Variants in BTG4 observed in about 807,000 individuals in gnomAD.
BTG4 encodes BTG anti-proliferation factor 4, also known as protein BTG4.
Under a neutral mutation model 19.3 loss-of-function variants are expected in BTG4, and 10 were observed. That is an observed-to-expected ratio of 0.52 (90% CI 0.32 to 0.88). The LOEUF is 0.88. BTG4 is among the 40% of genes least tolerant of loss of function. The pLI is 0.04. For missense variants in BTG4, 238 were observed against 281.9 expected (o/e 0.84, Z 1.11); for synonymous variants, 91 against 95.7 (o/e 0.95, Z 0.29).
At chr11:111,507,502 T>C (rs762795076) in intron 1 of BTG4, among the ~76,000 whole-genome samples, 1 of 152,182 alleles carries the variant, frequency 6.6e-6, no homozygotes, top group African/African-American at 2.4e-5. Flanking sequence ...TGATCCTTCA[T>C]TGACTCAATG....
At chr11:111,389,128 T>C in the BTG4 span, among the ~76,000 whole-genome samples, 3 of 152,356 alleles carry the variant, frequency 2.0e-5, no homozygotes, top group South Asian at 6.2e-4. Flanking sequence ...TTTGCATGCA[T>C]GCCATGCTCC....
intron 1 of BTG4, among the ~76,000 whole-genome samples, chr11:111,499,517 A>C (rs775279018): frequency 2.6e-5 from 4 of 152,174 alleles, no homozygotes; most frequent in African/African-American, 9.7e-5. Flanking sequence ...AAAATTTTCA[A>C]ACTGGATCTA....
chr11:111,409,151 T>C, the BTG4 span, among the ~76,000 whole-genome samples: 3 of 152,184 alleles, frequency 2.0e-5, no homozygotes, highest in African/African-American at 4.8e-5. Context: ...ATATTTCCTC[T>C]GAGAGGGATA....
At chr11:111,413,231 G>A in the BTG4 span, among the ~76,000 whole-genome samples, 71 of 152,344 alleles carry the variant, frequency 4.7e-4, no homozygotes, top group African/African-American at 1.5e-3. Flanking sequence ...GCAGAATTCC[G>A]ATCACAAAGT....
At chr11:111,401,354 C>T in the BTG4 span, among the ~76,000 whole-genome samples, 1 of 149,296 alleles carries the variant, frequency 6.7e-6, no homozygotes, top group African/African-American at 2.5e-5. Context: ...GTGGTGGAGG[C>T]GCCTGTAGTC....
At chr11:111,493,018 C>T (rs1358911158), downstream of BTG4, among the ~76,000 whole-genome samples, 1 of 152,042 alleles carries the variant, frequency 6.6e-6, no homozygotes, top group Non-Finnish European at 1.5e-5. Flanking sequence ...TGGGGGCGCA[C>T]GCTTGTAGTC....
At chr11:111,384,208 G>GT in the BTG4 span, among the ~76,000 whole-genome samples, 3 of 151,454 alleles carry the variant, frequency 2.0e-5, no homozygotes, top group Admixed American at 2.0e-4. Context: ...TCCATCTCTT[G>GT]TTTTTTTCCT....
At chr11:111,442,825 A>T in the BTG4 span, among the ~76,000 whole-genome samples, 1 of 152,240 alleles carries the variant, frequency 6.6e-6, no homozygotes, top group East Asian at 1.9e-4. Flanking sequence ...CAAATCTCAC[A>T]TGCAGAAGAA....
intron 5 of BTG4, among the ~76,000 whole-genome samples, chr11:111,478,583 A>G (rs952762913): frequency 1.4e-4 from 21 of 152,284 alleles, no homozygotes; most frequent in Middle Eastern, 3.4e-3. Flanking sequence ...AGCATCAGAA[A>G]AGTGCTTCAA....
chr11:111,474,698 T>G (rs559345624), intron 5 of BTG4, among the ~76,000 whole-genome samples: 6 of 152,288 alleles, frequency 3.9e-5, no homozygotes, highest in African/African-American at 1.4e-4. Context: ...ATCTTGGGTC[T>G]TAGGACATGG....
upstream of BTG4, chr11:111,512,835 C>T: frequency 2.8e-6 from 1 of 358,316 alleles, no homozygotes; most frequent in Non-Finnish European, 5.5e-6. Flanking sequence ...GCCGCTTGCG[C>T]CCAGCCATGG....
chr11:111,478,184 G>A (rs549968384), intron 5 of BTG4, among the ~76,000 whole-genome samples: 1 of 152,150 alleles, frequency 6.6e-6, no homozygotes, highest in African/African-American at 2.4e-5. Context: ...TTATGCCATT[G>A]TCCAGTGATA....
At chr11:111,476,912 C>T (rs1864430255) in intron 5 of BTG4, among the ~76,000 whole-genome samples, 1 of 152,124 alleles carries the variant, frequency 6.6e-6, no homozygotes, top group Non-Finnish European at 1.5e-5. Context: ...TATTTAGCTA[C>T]CCACATAAAT....
the BTG4 span, among the ~76,000 whole-genome samples, chr11:111,459,391 A>C: frequency 6.6e-6 from 1 of 152,226 alleles, no homozygotes; most frequent in African/African-American, 2.4e-5. Context: ...AGCTTCTCAA[A>C]AGGTCTGATG....
At chr11:111,445,118 T>C in the BTG4 span, among the ~76,000 whole-genome samples, 1 of 152,174 alleles carries the variant, frequency 6.6e-6, no homozygotes, top group Non-Finnish European at 1.5e-5. Context: ...CGTGGTACAG[T>C]ACTGTGAGGA....
the BTG4 span, among the ~76,000 whole-genome samples, chr11:111,390,829 C>A: frequency 1.3e-5 from 2 of 152,206 alleles, no homozygotes; most frequent in Non-Finnish European, 1.5e-5. Flanking sequence ...CAAAACAAGG[C>A]AACCATTTTG....
chr11:111,468,316 T>C (rs2135517997), intron 5 of BTG4, among the ~76,000 whole-genome samples: 1 of 152,354 alleles, frequency 6.6e-6, no homozygotes, highest in East Asian at 1.9e-4. Context: ...AAGTGCCGTG[T>C]GCCAGGAACT....
chr11:111,455,608 AG>A, the BTG4 span: 3 of 294,276 alleles, frequency 1.0e-5, no homozygotes, highest in African/African-American at 6.5e-5. Flanking sequence ...CCGGCTGGGC[AG>A]AACCCAGAAA....
the BTG4 span, among the ~76,000 whole-genome samples, chr11:111,419,472 G>A: frequency 1.3e-5 from 2 of 152,254 alleles, no homozygotes; most frequent in African/African-American, 4.8e-5. Flanking sequence ...GCTACCTGAG[G>A]TGTCTGTATT....
Sources: gnomAD v4.1 joint callset for allele counts (sites outside exome capture counted in the v4.1 genomes callset) on GRCh38, gnomAD v4.1.1 for gene constraint, MANE v1.5 for transcripts, NCBI Gene and HGNC (gene_info 2026-07-23, HGNC 2026-07-21) for gene names.